Variants in MYO1D observed in about 807,000 individuals in gnomAD.
The protein encoded by MYO1D is myosin ID, also known as unconventional myosin-Id.
In MYO1D, 83 loss-of-function variants were observed where a neutral mutation model predicts 122.0. The ratio of observed to expected loss-of-function variants is 0.68; its 90% confidence interval spans 0.57 to 0.82. The LOEUF is 0.82. MYO1D is among the 40% of genes least tolerant of loss of function. The pLI, the probability that MYO1D is intolerant of heterozygous loss-of-function variation, is 0.00. For missense variants in MYO1D, 1,157 were observed against 1,269.5 expected (o/e 0.91, Z 1.35); for synonymous variants, 464 against 446.9 (o/e 1.04, Z -0.48).
intron 1 of MYO1D, among the ~76,000 whole-genome samples, chr17:32,782,934 T>TAAAAAAAAAAAAATCCTA (rs2090255552): frequency 6.8e-6 from 1 of 147,260 alleles, no homozygotes; most frequent in African/African-American, 2.5e-5. Context: ...GACTCCATCT[T>TAAAAAAAAAAAAATCCTA]AAAAAAAAAA....
intron 21 of MYO1D, among the ~76,000 whole-genome samples, chr17:32,532,549 A>C (rs1482922030): frequency 6.6e-6 from 1 of 152,010 alleles, no homozygotes; most frequent in Non-Finnish European, 1.5e-5. Flanking sequence ...AACAAGGTGA[A>C]ACCCCGTCTC....
At chr17:32,640,925 A>AT (rs2088190276) in intron 19 of MYO1D, among the ~76,000 whole-genome samples, 1 of 151,476 alleles carries the variant, frequency 6.6e-6, no homozygotes. Flanking sequence ...TTATTTTATT[A>AT]TTTTTTATAT....
chr17:32,738,500 C>T (rs2089734844), intron 13 of MYO1D, 115 bp from the exon 14 acceptor site: 2 of 1,048,038 alleles, frequency 1.9e-6, no homozygotes, highest in South Asian at 2.9e-5. Context: ...ACAGATTCAA[C>T]TCACAAGGCC....
At chr17:32,561,059 C>G (rs751710948) in intron 21 of MYO1D, among the ~76,000 whole-genome samples, 34 of 151,656 alleles carry the variant, frequency 2.2e-4, no homozygotes, top group Non-Finnish European at 4.4e-4. Context: ...TTACAGGCAC[C>G]TGCCACCACG....
intron 20 of MYO1D, among the ~76,000 whole-genome samples, chr17:32,623,830 T>C (rs1384506189): frequency 6.6e-6 from 1 of 152,166 alleles, no homozygotes; most frequent in Non-Finnish European, 1.5e-5. Flanking sequence ...TCTCGTAGTG[T>C]CCTCACATGG....
chr17:32,621,866 C>T (rs562340591), intron 20 of MYO1D, among the ~76,000 whole-genome samples: 13 of 152,206 alleles, frequency 8.5e-5, no homozygotes, highest in African/African-American at 2.2e-4. Flanking sequence ...GCTTCCTCCT[C>T]TCTTCCCCAT....
In MYO1D at chr17:32,775,965, G is replaced by A. The variant is rs762057249; in HGVS notation, c.463C>T (p.Arg155Cys). 116 of 1,613,592 alleles carry A rather than the reference G, an allele frequency of 7.2e-5. No individual in the cohort carries two copies. The Admixed American group carries it at 1.9e-3, about 26-fold the overall frequency. Residue 155 changes from arginine to cysteine, a missense_variant, in exon 4 of 22, where the codon CGT (arginine) becomes TGT (cysteine). Arg to Cys is a radical substitution (Grantham distance 180, BLOSUM62 -3). Transcript: ENST00000318217. ...LEAFGNAKTN[R>C]NDNSSRFGKY... The stretch of plus-strand genomic sequence containing the variant: ...CCAAACCTGCTTGAGTTGTCATTAC[G>A]GTTGGTTTTGGCATTTCCAAAAGCT...
At chr17:32,674,599 C>G (rs1304379527) in intron 16 of MYO1D, among the ~76,000 whole-genome samples, 3 of 152,180 alleles carry the variant, frequency 2.0e-5, no homozygotes, top group African/African-American at 7.2e-5. Flanking sequence ...TAATAATTCA[C>G]CATAAAAAGC....
At chr17:32,646,394 G>A (rs2543972) in intron 19 of MYO1D, among the ~76,000 whole-genome samples, 99,231 of 151,846 alleles carry the variant, frequency 0.65, 32,846 homozygotes, top group Middle Eastern at 0.74. Flanking sequence ...GCTTGAGCCC[G>A]GGAGTTTGAG....
chr17:32,753,507 TGAAAAA>T (rs1363819082), intron 11 of MYO1D, among the ~76,000 whole-genome samples: 1 of 152,062 alleles, frequency 6.6e-6, no homozygotes, highest in African/African-American at 2.4e-5. Context: ...CCCATAAATT[TGAAAAA>T]GAAAAAGAAA....
chr17:32,746,697 T>C (rs913382641), intron 12 of MYO1D, among the ~76,000 whole-genome samples: 4 of 152,078 alleles, frequency 2.6e-5, no homozygotes, highest in African/African-American at 4.8e-5. Flanking sequence ...ACTGAGCACA[T>C]AGAAGATACT....
intron 21 of MYO1D, among the ~76,000 whole-genome samples, chr17:32,574,131 T>C (rs1305367225): frequency 2.0e-5 from 3 of 152,074 alleles, no homozygotes; most frequent in African/African-American, 7.2e-5. Flanking sequence ...GGATTACAGG[T>C]GTGAGCCACT....
At chr17:32,713,011 A>T (rs114859946) in intron 15 of MYO1D, among the ~76,000 whole-genome samples, 14 of 152,326 alleles carry the variant, frequency 9.2e-5, no homozygotes, top group African/African-American at 3.4e-4. Flanking sequence ...GCATCTTAGA[A>T]GGCTATCACA....
At chr17:32,616,512 G>A (rs1312581966) in intron 20 of MYO1D, among the ~76,000 whole-genome samples, 5 of 150,652 alleles carry the variant, frequency 3.3e-5, no homozygotes, top group Non-Finnish European at 5.9e-5. Context: ...TAGAAATGAG[G>A]TCTTGCTGTG....
intron 21 of MYO1D, among the ~76,000 whole-genome samples, chr17:32,596,493 G>A (rs1042728517): frequency 7.9e-5 from 12 of 152,218 alleles, no homozygotes; most frequent in Non-Finnish European, 1.6e-4. Flanking sequence ...TGACAGCAAT[G>A]TGCAGCCAGC....
chr17:32,699,432 G>A (rs1171720760), intron 16 of MYO1D, among the ~76,000 whole-genome samples: 1 of 152,192 alleles, frequency 6.6e-6, no homozygotes. Flanking sequence ...AGGTGTTGAT[G>A]CTGCCCTTTG....
intron 21 of MYO1D, among the ~76,000 whole-genome samples, chr17:32,598,146 G>C (rs1213663609): frequency 6.6e-6 from 1 of 152,146 alleles, no homozygotes; most frequent in African/African-American, 2.4e-5. Flanking sequence ...GGCCAGGGCG[G>C]GTGGACTGCT....
chr17:32,647,674 T>C (rs2088314574), intron 19 of MYO1D, among the ~76,000 whole-genome samples: 3 of 140,984 alleles, frequency 2.1e-5, no homozygotes, highest in Admixed American at 7.5e-5. Context: ...CAAACTGACA[T>C]TATAGCTTAT....
At chr17:32,740,015 C>A (rs943702714) in intron 13 of MYO1D, among the ~76,000 whole-genome samples, 1 of 152,184 alleles carries the variant, frequency 6.6e-6, no homozygotes, top group Non-Finnish European at 1.5e-5. Flanking sequence ...ACTTTCTAGT[C>A]CTATTCCATA....
Sources: allele counts gnomAD v4.1 joint callset (sites outside exome capture counted in the v4.1 genomes callset), GRCh38; gene constraint gnomAD v4.1.1; transcripts MANE v1.5; gene names NCBI Gene and HGNC (gene_info 2026-07-23, HGNC 2026-07-21).